Variants in C1orf216 observed in about 807,000 individuals in gnomAD.
C1orf216 encodes chromosome 1 open reading frame 216, also known as UPF0500 protein C1orf216.
In C1orf216, 18 loss-of-function variants were observed where a neutral mutation model predicts 16.4. That is an observed-to-expected ratio of 1.10 (90% confidence interval 0.76 to 1.63). The LOEUF is 1.63. Among genes scored for constraint, C1orf216 ranks in the 40% most tolerant of loss-of-function variants. C1orf216 has a pLI of 0.00. For missense variants in C1orf216, 271 were observed against 297.6 expected, an observed-to-expected ratio of 0.91 and a Z score of 0.66; for synonymous variants, 115 against 116.9, an observed-to-expected ratio of 0.98 and a Z score of 0.11.
chr1:35,716,807 G>C, intron 1 of C1orf216: 1 of 159,188 alleles, frequency 6.3e-6, no homozygotes, highest in Non-Finnish European at 1.4e-5. Flanking sequence ...GACTAGACTG[G>C]CCAACATGGT....
In C1orf216 at chr1:35,716,172, T is replaced by C; in HGVS notation, c.150A>G (p.Pro50=). 3 of 1,614,282 alleles carry C rather than the reference T, an allele frequency of 1.9e-6. No homozygotes were observed. In the South Asian group the frequency reaches 3.3e-5, roughly 18 times the overall value. The change falls in exon 2 of 2, where the codon CCA becomes CCG. Residue 50 remains proline (P), a synonymous_variant. Transcript: ENST00000270815. ...TCCTCAGGATAGGTTCCACTCTGCCTGGCATCCCATGCCAATTCTCGTTAG... is the reference window on the plus strand; with the variant it reads ...TCCTCAGGATAGGTTCCACTCTGCCCGGCATCCCATGCCAATTCTCGTTAG... The part of the protein sequence containing the change: ...KDANENWHGM[P]GRVEPILRRS...
At chr1:35,718,402 C>A (rs1348731467) in intron 1 of C1orf216, among the ~76,000 whole-genome samples, 4 of 152,090 alleles carry the variant, frequency 2.6e-5, no homozygotes, top group Non-Finnish European at 4.4e-5. Flanking sequence ...GATCTCCCCT[C>A]GCCCCAATTT....
rs1640925169 is a variant in C1orf216, at chr1:35,714,832, T to A, written c.*800A>T. 6.6e-6 allele frequency: 1 copy of A among 152,328 alleles called. No homozygotes were observed. Among genetic ancestry groups the A allele is most frequent in the South Asian group, 2.1e-4 (1 of 4,824 alleles). 9.4% of individuals were successfully genotyped at this position (152,328 alleles called of 1,614,324 possible). On this transcript the variant is annotated 3_prime_UTR_variant, in exon 2 of 2. Transcript: ENST00000270815. ...ACACTGCCAAAATTGCAGCCAAAAT[T>A]CCATGGCAGGCCAGAGCAGCCACTA...
In C1orf216 at chr1:35,715,929, A is replaced by G; in HGVS notation, c.393T>C (p.Cys131=). The G allele has an allele frequency of 6.2e-7, 1 of 1,614,156 alleles. No homozygotes were observed. Among genetic ancestry groups the G allele is most frequent in the Non-Finnish European group, 8.5e-7 (1 of 1,180,022 alleles). ...DSRSSSPEPA[C]GTPRGPGPPD... Reference sequence around the variant, plus strand: ...GAGGGCCAGGGCCTCGCGGGGTCCCACAGGCAGGCTCAGGACTGCTGCTAC... The same window carrying G: ...GAGGGCCAGGGCCTCGCGGGGTCCCGCAGGCAGGCTCAGGACTGCTGCTAC... Residue 131 remains cysteine (C), a synonymous_variant, in exon 2 of 2, where the codon TGT becomes TGC. Coordinates refer to ENST00000270815, the MANE Select transcript of C1orf216 (RefSeq NM_152374.2). The surrounding 1 kb of genome is among the most constrained non-coding windows in gnomAD (Gnocchi z 4.3).
At chr1:35,717,684 C>T (rs777000336) in intron 1 of C1orf216, among the ~76,000 whole-genome samples, 14 of 152,142 alleles carry the variant, frequency 9.2e-5, no homozygotes, top group Non-Finnish European at 2.1e-4. Flanking sequence ...ACATGGTCGA[C>T]GATCAGTGAA....
Position 35,716,017 on chromosome 1 carries a change from C to G in C1orf216, c.305G>C (p.Gly102Ala), listed in dbSNP as rs753626668. The G allele has an allele frequency of 1.2e-6, 2 of 1,614,046 alleles. No homozygotes were observed. Among genetic ancestry groups the G allele is most frequent in the Admixed American group, 3.3e-5 (2 of 60,030 alleles). Residue 102 changes from glycine (G) to alanine (A), a missense_variant, in exon 2 of 2, where the codon GGC becomes GCC. Physicochemically the swap from Gly to Ala is moderately conservative, Grantham distance 60. Coordinates refer to ENST00000270815, the MANE Select transcript of C1orf216 (RefSeq NM_152374.2). ...GTCCTCCAGAGGGGAGCAGACTGTG[C>G]CAGCACCACCCATCTTCTCAGGCTC... Reference protein sequence around the residue: ...GAEPEKMGGAGTVCSPLEDNG... With the variant: ...GAEPEKMGGAATVCSPLEDNG...
At chr1:35,716,394 T>G in intron 1 of C1orf216, 68 bp from the exon 2 acceptor site, 1 of 1,376,904 alleles carries the variant, frequency 7.3e-7, no homozygotes, top group Non-Finnish European at 9.8e-7. Flanking sequence ...CAGGGCAACT[T>G]AGCTGCAGGG....
rs1640939119 is a variant in C1orf216 at position 35,715,629 on chromosome 1, C to A, written c.*3G>T. 6.2e-7 allele frequency: 1 copy of A among 1,609,960 alleles called. No individual in the cohort carries two copies. Among genetic ancestry groups the A allele is most frequent in the African/African-American group, 1.3e-5 (1 of 74,994 alleles). On this transcript the variant is annotated 3_prime_UTR_variant, in exon 2 of 2. Coordinates refer to ENST00000270815, the MANE Select transcript of C1orf216 (RefSeq NM_152374.2). The surrounding 1 kb of genome is among the most constrained non-coding windows in gnomAD (Gnocchi z 4.3). ...ACCCTTGCACACTTGTGGAGGCACA[C>A]CCTTAGGCCTGGTCCTGGGGCCTGG...
chr1:35,714,290 A>T lies in C1orf216; in HGVS notation c.*1342T>A, dbSNP rs1230991444. Reference sequence around the variant, plus strand: ...CCTGTTTGAAGGGCCATGCAGTGAAAGAAGGGGTTAAAATTCAGCATCCTA... The same window carrying T: ...CCTGTTTGAAGGGCCATGCAGTGAATGAAGGGGTTAAAATTCAGCATCCTA... On this transcript the variant is annotated 3_prime_UTR_variant, in exon 2 of 2. Coordinates refer to ENST00000270815, the MANE Select transcript of C1orf216 (RefSeq NM_152374.2). 6.6e-6 allele frequency: 1 copy of T among 152,242 alleles called. No homozygotes were observed. The highest frequency in any genetic ancestry group is 1.5e-5 in the Non-Finnish European group (1 of 68,054). 9.4% of individuals were successfully genotyped at this position (152,242 alleles called of 1,614,324 possible). A position where few individuals can be genotyped will look rare whatever the true frequency, so the allele number is the denominator to read the frequency against.
In C1orf216 at chr1:35,716,042, C is replaced by A; in HGVS notation, c.280G>T (p.Glu94Ter). 6.2e-7 allele frequency: 1 copy of A among 1,614,116 alleles called. No homozygotes were observed. The highest frequency in any genetic ancestry group is 8.5e-7 in the Non-Finnish European group (1 of 1,180,034). Residue 94 changes from glutamate (E) to a stop codon, truncating the protein, a stop_gained, in exon 2 of 2, where the codon GAG (glutamate) becomes TAG (stop). Coordinates refer to ENST00000270815, the MANE Select transcript of C1orf216 (RefSeq NM_152374.2). LOFTEE classifies it high-confidence loss of function. ...CCAGCACCACCCATCTTCTCAGGCT[C>A]AGCCCCGGGAATCTCTGCCCCCTCT... is the stretch of plus-strand genomic sequence containing the variant. ...PPEGAEIPGA[E>*]PEKMGGAGTV...
In C1orf216 at chr1:35,718,493, A is replaced by G. The variant is rs549090921; in HGVS notation, c.-6+214T>C. 2.3e-4 allele frequency among the ~76,000 whole-genome samples: 35 copies of G among 152,228 alleles called. 1 individual carries two copies. In the East Asian group the frequency reaches 6.4e-3, roughly 28 times the overall value. On this transcript the variant is annotated intron_variant, in intron 1 of 1. Transcript: ENST00000270815. ...TGGCGCTAGGGATCACAGGGTTCTC[A>G]GAGATAGTAAAATGAGAACCCCGAC...
At position 35,715,846 on chromosome 1, in the gene C1orf216, C is replaced by A; in HGVS notation, c.476G>T (p.Arg159Leu). The change falls in exon 2 of 2, where the codon CGC (arginine) becomes CTC (leucine). Residue 159 changes from arginine (R) to leucine (L), a missense_variant. This residue lies in a region of C1orf216 where 220 missense variants were observed against 227.8 expected (regional missense o/e 0.97). Transcript: ENST00000270815. This position sits in a 1 kb window ranked among gnomAD's most constrained non-coding sequence, Gnocchi z 4.3. The part of the protein sequence containing the change: ...QAVQHLQVQE[R>L]YKEQEKEKHH... Reference sequence around the variant, plus strand: ...CTTTTCCTTCTCCTGCTCTTTGTAGCGCTCCTGGACTTGTAAGTGCTGCAC... The same window carrying A: ...CTTTTCCTTCTCCTGCTCTTTGTAGAGCTCCTGGACTTGTAAGTGCTGCAC... The A allele has an allele frequency of 6.2e-7, 1 of 1,614,218 alleles. No homozygotes were observed. The highest frequency in any genetic ancestry group is 1.7e-5 in the Admixed American group (1 of 60,030).
At chr1:35,716,711 A>C in intron 1 of C1orf216, 1 of 227,638 alleles carries the variant, frequency 4.4e-6, no homozygotes, top group Non-Finnish European at 8.8e-6. Context: ...ATTCTACATA[A>C]CCAGTCCAGG....
At position 35,717,769 on chromosome 1, in the gene C1orf216, T is replaced by G. The variant is rs567466103; in HGVS notation, c.-6+938A>C. The stretch of plus-strand genomic sequence containing the variant: ...AGTTTGTAATCTGGCTTGGACCTCC[T>G]GTATATATCCTCCATCATATTCCCC... On this transcript the variant is annotated intron_variant, in intron 1 of 1. Transcript: ENST00000270815. 7.9e-5 allele frequency among the ~76,000 whole-genome samples: 12 copies of G among 152,338 alleles called. No individual in the cohort carries two copies. In the East Asian group the frequency reaches 2.3e-3, roughly 29 times the overall value.
In C1orf216 at chr1:35,715,921, G is replaced by A. The variant is rs145929828; in HGVS notation, c.401C>T (p.Pro134Leu). ...GGGATCGGGAGGGCCAGGGCCTCGC[G>A]GGGTCCCACAGGCAGGCTCAGGACT... Reference protein sequence around the residue: ...SSSPEPACGTPRGPGPPDPLL... With the variant: ...SSSPEPACGTLRGPGPPDPLL... The change falls in exon 2 of 2, where the codon CCG (proline) becomes CTG (leucine). Residue 134 changes from proline to leucine, a missense_variant. By Grantham distance (98) the Pro-to-Leu change is moderately conservative (BLOSUM62 -3). Around this residue, in one of 3 missense-constraint regions of C1orf216, gnomAD observed 220 missense variants for 227.8 expected, o/e 0.97. Transcript: ENST00000270815. The surrounding 1 kb of genome is among the most constrained non-coding windows in gnomAD (Gnocchi z 4.3). The A allele has an allele frequency of 1.1e-5, 17 of 1,614,142 alleles. No homozygotes were observed. Among genetic ancestry groups the A allele is most frequent in the South Asian group, 3.3e-5 (3 of 91,082 alleles).
Position 35,715,815 on chromosome 1 carries a change from G to A in C1orf216, c.507C>T (p.His169=), listed in dbSNP as rs769116441. The A allele has an allele frequency of 4.5e-5, 73 of 1,614,252 alleles. No homozygotes were observed. Among genetic ancestry groups the A allele is most frequent in the South Asian group, 2.0e-4 (18 of 91,088 alleles). Residue 169 remains histidine (H), a synonymous_variant, in exon 2 of 2, where the codon CAC becomes CAT. Coordinates refer to ENST00000270815, the MANE Select transcript of C1orf216 (RefSeq NM_152374.2). This position sits in a 1 kb window ranked among gnomAD's most constrained non-coding sequence, Gnocchi z 4.3. ...GGCGACGGTACATCACCAAGTGCAC[G>A]TGGTGCTTTTCCTTCTCCTGCTCTT... ...RYKEQEKEKH[H]VHLVMYRRLA... is the part of the protein sequence containing the mutation.
chr1:35,718,006 T>G (rs1173733669), intron 1 of C1orf216, among the ~76,000 whole-genome samples: 2 of 152,070 alleles, frequency 1.3e-5, no homozygotes, highest in African/African-American at 4.8e-5. Context: ...GTGACAAGCT[T>G]TTCTTCTGAG....
rs1371499538 is a variant in C1orf216 at position 35,716,243 on chromosome 1, G to C, written c.79C>G (p.Leu27Val). The C allele has an allele frequency of 6.2e-7, 1 of 1,614,264 alleles. No individual in the cohort carries two copies. Among genetic ancestry groups the C allele is most frequent in the Non-Finnish European group, 8.5e-7 (1 of 1,180,056 alleles). ...DPPPGLCQPE[L>V]QPDSNSNFMA... ...AAGTTGGAGTTGCTGTCTGGTTGGAGCTCGGGCTGACATAATCCAGGAGGT... is the reference window on the plus strand; with the variant it reads ...AAGTTGGAGTTGCTGTCTGGTTGGACCTCGGGCTGACATAATCCAGGAGGT... The change falls in exon 2 of 2, where the codon CTC becomes GTC. Residue 27 changes from leucine to valine, a missense_variant. By Grantham distance (32) the Leu-to-Val change is conservative. This residue lies in a region of C1orf216 where 44 missense variants were observed against 46.0 expected (regional missense o/e 0.96). Transcript: ENST00000270815.
chr1:35,716,236 G>A lies in C1orf216; in HGVS notation c.86C>T (p.Pro29Leu). 2 of 1,614,268 alleles carry A rather than the reference G, an allele frequency of 1.2e-6. No homozygotes were observed. Among genetic ancestry groups the A allele is most frequent in the Non-Finnish European group, 1.7e-6 (2 of 1,180,048 alleles). ...PPGLCQPELQPDSNSNFMASA... is the reference protein window; with the variant it reads ...PPGLCQPELQLDSNSNFMASA... ...TGCCATGAAGTTGGAGTTGCTGTCT[G>A]GTTGGAGCTCGGGCTGACATAATCC... The change falls in exon 2 of 2, where the codon CCA (proline) becomes CTA (leucine). Residue 29 changes from proline to leucine, a missense_variant. By Grantham distance (98) the Pro-to-Leu change is moderately conservative. Around this residue, in one of 3 missense-constraint regions of C1orf216, gnomAD observed 44 missense variants for 46.0 expected, o/e 0.96. Transcript: ENST00000270815.
Sources: allele counts gnomAD v4.1 joint callset (sites outside exome capture counted in the v4.1 genomes callset), GRCh38; gene constraint gnomAD v4.1.1; regional missense constraint gnomAD v4.1.1; non-coding constraint Gnocchi (gnomAD v3.1); transcripts MANE v1.5; gene names NCBI Gene and HGNC (gene_info 2026-07-23, HGNC 2026-07-21).